TTC38: variants seen among roughly 807,000 people sequenced by gnomAD.
The protein encoded by TTC38 is tetratricopeptide repeat protein 38.
A neutral mutation model predicts 64.2 loss-of-function variants in TTC38; 64 were observed. That is an observed-to-expected ratio of 1.00 (90% CI 0.81 to 1.23). The LOEUF (loss-of-function observed/expected upper bound fraction) is 1.23, where lower values mean the gene tolerates loss of function less well. Among genes scored for constraint, TTC38 ranks in the 50% most tolerant of loss-of-function variants. TTC38 has a pLI of 0.00. For missense variants in TTC38, 573 were observed against 615.5 expected (o/e 0.93, Z 0.73); for synonymous variants, 254 against 249.3 (o/e 1.02, Z -0.18).
intron 5 of TTC38, among the ~76,000 whole-genome samples, chr22:46,277,949 G>A (rs2077505528): frequency 6.6e-6 from 1 of 152,212 alleles, no homozygotes. Context: ...GGAGACCCGT[G>A]TTGATTCTTA....
chr22:46,274,018 T>A lies in TTC38; in HGVS notation c.314T>A (p.Leu105Gln), dbSNP rs771169196. The A allele has an allele frequency of 1.2e-6, 2 of 1,614,082 alleles. No individual in the cohort carries two copies. Among genetic ancestry groups the A allele is most frequent in the Non-Finnish European group, 1.7e-6 (2 of 1,180,050 alleles). Residue 105 changes from leucine to glutamine, a missense_variant, in exon 4 of 14, where the codon CTG becomes CAG. By Grantham distance (113) the Leu-to-Gln change is moderately radical (BLOSUM62 -2). Around this residue, in one of 3 missense-constraint regions of TTC38, gnomAD observed 68 missense variants for 107.3 expected, o/e 0.63. Transcript: ENST00000381031. The surrounding 1 kb of genome is among the most constrained non-coding windows in gnomAD (Gnocchi z 4.8). ...GTGGAGATTTCAAGAACCCAGCCGC[T>A]GACAAGGCGGGAGCAGCTGCACGTG... ...TMVEISRTQP[L>Q]TRREQLHVSA...
In TTC38 at chr22:46,275,479, A is replaced by G. The variant is rs779904878; in HGVS notation, c.539+58A>G. 1.6e-5 allele frequency: 24 copies of G among 1,527,598 alleles called. No homozygotes were observed. The highest frequency in any genetic ancestry group is 3.8e-5 in the Admixed American group (2 of 52,594). The allele number at this position is 1,527,598 out of a possible 1,614,324, so 94.6% of individuals were successfully genotyped here. A position where few individuals can be genotyped will look rare whatever the true frequency, so the allele number is the denominator to read the frequency against. ...TTTCTTAATCTCTCTTTTCTGCCCT[A>G]AAAATATGGTGACTCTCTTGGCCCT... On this transcript the variant is annotated intron_variant, in intron 5 of 13. Transcript: ENST00000381031. This position sits in a 1 kb window ranked among gnomAD's most constrained non-coding sequence, Gnocchi z 4.5.
intron 6 of TTC38, chr22:46,280,273 A>G (rs905751929): frequency 1.7e-5 from 8 of 460,514 alleles, no homozygotes; most frequent in African/African-American, 1.4e-4. Context: ...GCTCCATCCA[A>G]GTGGCTCAAT....
chr22:46,278,348 C>T (rs984082246), intron 5 of TTC38, among the ~76,000 whole-genome samples: 6 of 152,178 alleles, frequency 3.9e-5, no homozygotes, highest in African/African-American at 1.4e-4. Context: ...TGCCGCCTTC[C>T]CTCGGCATCT....
chr22:46,290,156 CGTAAA>C, intron 13 of TTC38, among the ~76,000 whole-genome samples: 1 of 152,170 alleles, frequency 6.6e-6, no homozygotes, highest in East Asian at 1.9e-4. Flanking sequence ...TACCTGGGTA[CGTAAA>C]CACGTCCTGC....
rs56873968 is a variant in TTC38, at chr22:46,276,774, A to AAAT, written c.539+1353_539+1354insAAT. 7.3e-6 allele frequency among the ~76,000 whole-genome samples: 1 copy of AAAT among 137,492 alleles called. No homozygotes were observed. The highest frequency in any genetic ancestry group is 1.6e-5 in the Non-Finnish European group (1 of 62,870). 90.2% of individuals were successfully genotyped at this position (137,492 alleles called of 152,430 possible). A position where few individuals can be genotyped will look rare whatever the true frequency, so the allele number is the denominator to read the frequency against. On this transcript the variant is annotated intron_variant, in intron 5 of 13. Transcript: ENST00000381031. The surrounding 1 kb of genome is among the most constrained non-coding windows in gnomAD (Gnocchi z 4.7). ...TACATATATTAAAAATATATATTAA[A>AAAT]TATATATTAAAATATATATTAAAAA... is the stretch of plus-strand genomic sequence containing the variant.
Position 46,275,444 on chromosome 22 carries a change from A to G in TTC38, c.539+23A>G. On this transcript the variant is annotated intron_variant, in intron 5 of 13. Coordinates refer to ENST00000381031, the MANE Select transcript of TTC38 (RefSeq NM_017931.4). The surrounding 1 kb of genome is among the most constrained non-coding windows in gnomAD (Gnocchi z 4.5). ...CAGGTATGTGCCAGCTGGAAATCAC[A>G]TTATTTCTGTTTCTTAATCTCTCTT... The G allele has an allele frequency of 6.3e-7, 1 of 1,597,034 alleles. No homozygotes were observed. The highest frequency in any genetic ancestry group is 8.5e-7 in the Non-Finnish European group (1 of 1,170,994).
chr22:46,268,158 G>A (rs1936803750), intron 1 of TTC38, 86 bp downstream of exon 1: 10 of 1,442,122 alleles, frequency 6.9e-6, no homozygotes, highest in South Asian at 2.5e-5. Context: ...CGGGAGACAT[G>A]GCCCGGGCGC....
chr22:46,290,118 AG>A, intron 13 of TTC38, among the ~76,000 whole-genome samples: 1 of 148,694 alleles, frequency 6.7e-6, no homozygotes, highest in East Asian at 2.0e-4. Context: ...CACCCTTCCC[AG>A]CCCACTCCCT....
Position 46,289,550 on chromosome 22 carries a change from A to G in TTC38, c.1231A>G (p.Ser411Gly), listed in dbSNP as rs374334933. ...CTACCGGATCGTCCAGCTCGGTGGGAGCAATGCCCAGGTGAGCCGATGGCC... is the reference window on the plus strand; with the variant it reads ...CTACCGGATCGTCCAGCTCGGTGGGGGCAATGCCCAGGTGAGCCGATGGCC... Reference protein sequence around the residue: ...IRYRIVQLGGSNAQRDVFNQL... With the variant: ...IRYRIVQLGGGNAQRDVFNQL... Residue 411 changes from serine (S) to glycine (G), a missense_variant, in exon 12 of 14, where the codon AGC becomes GGC. Physicochemically the swap from Ser to Gly is moderately conservative, Grantham distance 56. This residue lies in a region of TTC38 where 371 missense variants were observed against 381.8 expected (regional missense o/e 0.97). Transcript: ENST00000381031. The G allele has an allele frequency of 1.9e-6, 3 of 1,586,968 alleles. No individual in the cohort carries two copies. Among genetic ancestry groups the G allele is most frequent in the Admixed American group, 1.7e-5 (1 of 58,386 alleles).
intron 10 of TTC38, among the ~76,000 whole-genome samples, chr22:46,287,757 C>T (rs1174767498): frequency 6.6e-6 from 1 of 152,182 alleles, no homozygotes; most frequent in Non-Finnish European, 1.5e-5. Flanking sequence ...AATTCAGGGA[C>T]CTGAGGGAGG....
intron 9 of TTC38, among the ~76,000 whole-genome samples, 185 bp downstream of exon 9, chr22:46,285,464 A>G (rs531411383): frequency 1.3e-5 from 2 of 152,270 alleles, no homozygotes; most frequent in South Asian, 4.1e-4. Context: ...CCTGCCTATG[A>G]TGGGGACAGT....
In TTC38 at chr22:46,281,852, TG is replaced by T. The variant is rs1425728095; in HGVS notation, c.735+135del. ...TTCCCTCTCCTCCTCCACCTGCACC[TG>T]CCTCAGGTGTTTGGCTGCTGAGCAG... is the stretch of plus-strand genomic sequence containing the variant. On this transcript the variant is annotated intron_variant, in intron 7 of 13. Transcript: ENST00000381031. The surrounding 1 kb of genome is among the most constrained non-coding windows in gnomAD (Gnocchi z 5.2). The T allele has an allele frequency of 8.4e-7, 1 of 1,192,296 alleles. No individual in the cohort carries two copies. Among genetic ancestry groups the T allele is most frequent in the Non-Finnish European group, 1.2e-6 (1 of 825,054 alleles). 73.9% of individuals were successfully genotyped at this position (1,192,296 alleles called of 1,614,324 possible).
In TTC38 at chr22:46,292,337, C is replaced by A. The variant is rs1034244102; in HGVS notation, c.1317-454C>A. On this transcript the variant is annotated intron_variant, in intron 13 of 13. Transcript: ENST00000381031. This position sits in a 1 kb window ranked among gnomAD's most constrained non-coding sequence, Gnocchi z 6.5. ...GTGCAGGGATTACAGGGGTGAGCCA[C>A]CACACCTATCTCTTCTTATAAGGGC... The A allele has an allele frequency of 2.8e-6, 1 of 354,162 alleles. No individual in the cohort carries two copies. Among genetic ancestry groups the A allele is most frequent in the Non-Finnish European group, 5.6e-6 (1 of 179,852 alleles). The allele number at this position is 354,162 out of a possible 1,614,324, so 21.9% of individuals were successfully genotyped here.
rs948506874 is a variant in TTC38, at chr22:46,268,675, T to C, written c.111+84T>C. 99 of 1,174,402 alleles carry C rather than the reference T, an allele frequency of 8.4e-5. 3 individuals are homozygous for C. The highest frequency in any genetic ancestry group is 1.1e-4 in the Non-Finnish European group (87 of 824,580). 72.7% of individuals were successfully genotyped at this position (1,174,402 alleles called of 1,614,324 possible). On this transcript the variant is annotated intron_variant, in intron 2 of 13. Coordinates refer to ENST00000381031, the MANE Select transcript of TTC38 (RefSeq NM_017931.4). ...AATTGGGGAAAGCTGTTTTTTTGTTTTGTTTTGTTTTGTTTTGTTTTGTTT... is the reference window on the plus strand; with the variant it reads ...AATTGGGGAAAGCTGTTTTTTTGTTCTGTTTTGTTTTGTTTTGTTTTGTTT...
Position 46,287,131 on chromosome 22 carries a change from T to A in TTC38, c.893T>A (p.Met298Lys). ...AMLDVVDSCS[M>K]LYRLQMEGVS... The stretch of plus-strand genomic sequence containing the variant: ...CTGGACGTGGTGGACAGCTGCTCCA[T>A]GCTCTACCGCCTGCAGATGGAAGGT... Residue 298 changes from methionine (M) to lysine (K), a missense_variant, in exon 10 of 14, where the codon ATG (methionine) becomes AAG (lysine). Transcript: ENST00000381031. 6.2e-7 allele frequency: 1 copy of A among 1,604,934 alleles called. No individual in the cohort carries two copies. The highest frequency in any genetic ancestry group is 8.5e-7 in the Non-Finnish European group (1 of 1,175,656).
chr22:46,292,649 C>T lies in TTC38; in HGVS notation c.1317-142C>T. 1.4e-6 allele frequency: 1 copy of T among 730,246 alleles called. No individual in the cohort carries two copies. The allele number at this position is 730,246 out of a possible 1,614,324, so 45.2% of individuals were successfully genotyped here. A position where few individuals can be genotyped will look rare whatever the true frequency, so the allele number is the denominator to read the frequency against. On this transcript the variant is annotated intron_variant, in intron 13 of 13. Coordinates refer to ENST00000381031, the MANE Select transcript of TTC38 (RefSeq NM_017931.4). This position sits in a 1 kb window ranked among gnomAD's most constrained non-coding sequence, Gnocchi z 6.5. ...CTCTCCCCAAACTGAGGCCAGGCCT[C>T]CTGCCCCTGGGCCTTGGCCCTTGCT...
chr22:46,281,924 C>G lies in TTC38; in HGVS notation c.735+206C>G. 1 of 703,190 alleles carries G rather than the reference C, an allele frequency of 1.4e-6. No homozygotes were observed. Among genetic ancestry groups the G allele is most frequent in the Non-Finnish European group, 2.5e-6 (1 of 394,350 alleles). The allele number at this position is 703,190 out of a possible 1,614,324, so 43.6% of individuals were successfully genotyped here. ...CCCCACCCCAGGCCCATACCTTGCC[C>G]TAGGGACTCCACTGAGGGTCCAGCC... On this transcript the variant is annotated intron_variant, in intron 7 of 13. Transcript: ENST00000381031. The surrounding 1 kb of genome is among the most constrained non-coding windows in gnomAD (Gnocchi z 5.2).
chr22:46,288,301 C>T (rs926641807), intron 10 of TTC38, 122 bp from the exon 11 acceptor site: 19 of 1,007,442 alleles, frequency 1.9e-5, no homozygotes, highest in Non-Finnish European at 2.3e-5. Flanking sequence ...CCCACCTCCC[C>T]GGCCTCTCAC....
Sources: allele counts gnomAD v4.1 joint callset (sites outside exome capture counted in the v4.1 genomes callset), GRCh38; gene constraint gnomAD v4.1.1; regional missense constraint gnomAD v4.1.1; non-coding constraint Gnocchi (gnomAD v3.1); transcripts MANE v1.5; gene names NCBI Gene and HGNC (gene_info 2026-07-23, HGNC 2026-07-21).